WDPCP: variants seen among roughly 807,000 people sequenced by gnomAD.
WDPCP encodes the protein WD repeat-containing and planar cell polarity effector protein fritz homolog.
A neutral mutation model predicts 93.1 loss-of-function variants in WDPCP; 71 were observed. The observed-to-expected ratio is 0.76, with a 90% CI of 0.63 to 0.93. The LOEUF is 0.93. Among genes scored for constraint, WDPCP ranks in the 40% least tolerant of loss-of-function variants. The pLI is 0.00. For synonymous variants in WDPCP, 315 were observed against 315.0 expected (o/e 1.00, Z 0.00); for missense variants, 844 against 887.4 (o/e 0.95, Z 0.62).
chr2:63,510,765 T>A (rs1449359206), intron 1 of WDPCP, among the ~76,000 whole-genome samples: 1 of 151,988 alleles, frequency 6.6e-6, no homozygotes, highest in Non-Finnish European at 1.5e-5. Context: ...CAAGTTCAGG[T>A]ACTCAAGACC....
intron 2 of WDPCP, among the ~76,000 whole-genome samples, chr2:63,811,065 GGTTT>G (rs762870845): frequency 3.3e-5 from 5 of 152,040 alleles, no homozygotes; most frequent in Non-Finnish European, 7.4e-5. Flanking sequence ...TTGTTTTTTT[GGTTT>G]GTTTGTTGGC....
intron 12 of WDPCP, among the ~76,000 whole-genome samples, chr2:63,327,427 CCA>C (rs1025135047): frequency 2.6e-5 from 4 of 152,132 alleles, no homozygotes; most frequent in African/African-American, 9.7e-5. Context: ...TATCCTATTA[CCA>C]CACACTCTCA....
intron 10 of WDPCP, among the ~76,000 whole-genome samples, chr2:63,383,472 T>C (rs896501872): frequency 3.9e-5 from 6 of 152,130 alleles, no homozygotes; most frequent in African/African-American, 9.7e-5. Context: ...CTGAGCACTA[T>C]GGAAGGCCAA....
Position 63,345,222 on chromosome 2 carries a change from G to C in WDPCP, c.1749-31911C>G, listed in dbSNP as rs1487204564. 2.6e-5 allele frequency among the ~76,000 whole-genome samples: 4 copies of C among 152,256 alleles called. No homozygotes were observed. The East Asian group carries it at 7.7e-4, about 29-fold the overall frequency. On this transcript the variant is annotated intron_variant, in intron 12 of 17. Coordinates refer to ENST00000272321, the MANE Select transcript of WDPCP (RefSeq NM_015910.7). ...ACTACAGCCCCAGTTGCTGCATTCTGAAGTTTATCACTGTATTTTCATGTT... is the reference window on the plus strand; with the variant it reads ...ACTACAGCCCCAGTTGCTGCATTCTCAAGTTTATCACTGTATTTTCATGTT...
intron 13 of WDPCP, among the ~76,000 whole-genome samples, chr2:63,260,224 TG>T (rs1219342443): frequency 1.3e-5 from 2 of 152,098 alleles, no homozygotes; most frequent in African/African-American, 4.8e-5. Context: ...GTTGGATGTG[TG>T]GGAGAAAGCA....
At chr2:63,486,453 T>C (rs773538296) in intron 4 of WDPCP, 89 bp downstream of exon 4, 42 of 1,249,276 alleles carry the variant, frequency 3.4e-5, no homozygotes, top group Non-Finnish European at 4.0e-5. Context: ...TTGGAGGGAA[T>C]AAAGTTTCCT....
chr2:63,504,897 T>C (rs1701773475), intron 1 of WDPCP, among the ~76,000 whole-genome samples: 1 of 152,078 alleles, frequency 6.6e-6, no homozygotes. Context: ...CTTCCCACTA[T>C]TGCTTAGCAA....
intron 12 of WDPCP, among the ~76,000 whole-genome samples, chr2:63,374,018 G>C (rs990488229): frequency 2.0e-5 from 3 of 148,238 alleles, no homozygotes; most frequent in Non-Finnish European, 4.5e-5. Context: ...TGCTTTATAT[G>C]ATCAATTTTT....
At chr2:63,593,504 T>G (rs987068417), upstream of WDPCP, 10 of 469,044 alleles carry the variant, frequency 2.1e-5, no homozygotes, top group Admixed American at 1.4e-4. Context: ...GAAAGAAGCC[T>G]TCGAGGCTAT....
intron 14 of WDPCP, among the ~76,000 whole-genome samples, chr2:63,194,362 A>G (rs1455049947): frequency 6.6e-6 from 1 of 152,180 alleles, no homozygotes; most frequent in Non-Finnish European, 1.5e-5. Flanking sequence ...CAGGCAACTT[A>G]TCTTTTAGGG....
chr2:63,438,081 C>A, intron 7 of WDPCP: 1 of 1,068,434 alleles, frequency 9.4e-7, no homozygotes, highest in Non-Finnish European at 1.2e-6. Flanking sequence ...ATGTACATTA[C>A]ATAAATTAAT....
intron 15 of WDPCP, among the ~76,000 whole-genome samples, chr2:63,168,335 CTATTGGTTTCTTATTATTT>C (rs1260222248): frequency 6.6e-6 from 1 of 151,570 alleles, no homozygotes; most frequent in African/African-American, 2.4e-5. Context: ...AGTATGGTTA[CTATTGGTTTCTTATTATTT>C]TCATTTGCCT....
At chr2:63,718,364 G>A (rs1216778348) in intron 2 of WDPCP, among the ~76,000 whole-genome samples, 1 of 152,076 alleles carries the variant, frequency 6.6e-6, no homozygotes. Flanking sequence ...ACTAATTTAT[G>A]TTCTTACCAA....
intron 10 of WDPCP, among the ~76,000 whole-genome samples, chr2:63,403,480 GC>G (rs1694309431): frequency 6.6e-6 from 1 of 151,970 alleles, no homozygotes; most frequent in Non-Finnish European, 1.5e-5. Context: ...TAATTTTATA[GC>G]TATTAACTTA....
rs149739029 is a variant in WDPCP at position 63,235,697 on chromosome 2, C to T, written c.1915+23610G>A. ...TGGGATGCAAGGTTGGTTCAACATA[C>T]GCAAATCAATAAATGTGATTCACCA... On this transcript the variant is annotated intron_variant, in intron 14 of 17. Transcript: ENST00000272321. Among the ~76,000 whole-genome samples the T allele has an allele frequency of 6.5e-4, 99 of 152,074 alleles. 1 individual carries two copies. Among genetic ancestry groups the T allele is most frequent in the South Asian group, 5.8e-3 (28 of 4,828 alleles).
At chr2:63,826,459 C>A (rs1671115401) in intron 1 of WDPCP, among the ~76,000 whole-genome samples, 1 of 151,962 alleles carries the variant, frequency 6.6e-6, no homozygotes, top group Non-Finnish European at 1.5e-5. Flanking sequence ...TTAAGCAGTC[C>A]TTGTTAACTT....
chr2:63,752,758 A>G (rs1669903732), intron 2 of WDPCP: 1 of 174,292 alleles, frequency 5.7e-6, no homozygotes, highest in East Asian at 1.4e-4. Flanking sequence ...TTTGTTGATA[A>G]CTCAGCTCAC....
chr2:63,559,456 T>G (rs1706409281), intron 1 of WDPCP, among the ~76,000 whole-genome samples: 1 of 152,144 alleles, frequency 6.6e-6, no homozygotes, highest in Non-Finnish European at 1.5e-5. Context: ...TAAAGGGTAT[T>G]CAAATAGGAA....
intron 2 of WDPCP, among the ~76,000 whole-genome samples, chr2:63,666,318 C>T (rs1448926084): frequency 6.6e-6 from 1 of 152,086 alleles, no homozygotes; most frequent in Non-Finnish European, 1.5e-5. Context: ...CTACTGCTAG[C>T]AGGAAGGAGT....
Sources: allele counts gnomAD v4.1 joint callset (sites outside exome capture counted in the v4.1 genomes callset), GRCh38; gene constraint gnomAD v4.1.1; transcripts MANE v1.5; gene names NCBI Gene and HGNC (gene_info 2026-07-23, HGNC 2026-07-21).